The following FRYL variants were observed in gnomAD, a reference collection of about 807,000 sequenced individuals.
FRYL encodes the protein FRY like transcription coactivator.
In FRYL, 150 loss-of-function variants were observed where a neutral mutation model predicts 351.2. The observed-to-expected ratio is 0.43, with a 90% CI of 0.37 to 0.49. The LOEUF (loss-of-function observed/expected upper bound fraction) is 0.49, where lower values mean the gene tolerates loss of function less well. Among genes scored for constraint, FRYL ranks in the 20% least tolerant of loss-of-function variants. The pLI is 0.00. For synonymous variants in FRYL, 1,153 were observed against 1,257.1 expected (o/e 0.92, Z 1.75); for missense variants, 3,036 against 3,619.3 (o/e 0.84, Z 4.13).
At chr4:48,601,334 T>C (rs1488543681) in intron 13 of FRYL, among the ~76,000 whole-genome samples, 7 of 152,222 alleles carry the variant, frequency 4.6e-5, no homozygotes, top group African/African-American at 1.7e-4. Context: ...AGCATTCGCA[T>C]GACATGCAGC....
intron 19 of FRYL, among the ~76,000 whole-genome samples, chr4:48,584,786 C>T (rs190102870): frequency 6.6e-6 from 1 of 152,324 alleles, no homozygotes; most frequent in Admixed American, 6.5e-5. Flanking sequence ...CAGGTCTGCA[C>T]ATTTACAATG....
intron 1 of FRYL, among the ~76,000 whole-genome samples, chr4:48,736,998 G>A (rs979228950): frequency 5.9e-5 from 9 of 151,716 alleles, no homozygotes; most frequent in African/African-American, 2.2e-4. Context: ...TGAAAGAGGT[G>A]GCCGGGCGTG....
intron 22 of FRYL, among the ~76,000 whole-genome samples, chr4:48,580,200 C>T (rs1275292197): frequency 6.6e-6 from 1 of 151,908 alleles, no homozygotes; most frequent in Non-Finnish European, 1.5e-5. Context: ...ATGCATTAAC[C>T]TCTTGACCAT....
At position 48,658,331 on chromosome 4, in the gene FRYL, AT is replaced by A. The variant is rs769258470; in HGVS notation, c.-80-23842del. On this transcript the variant is annotated intron_variant, in intron 3 of 63. Coordinates refer to ENST00000358350, the MANE Select transcript of FRYL (RefSeq NM_015030.2). Reference sequence around the variant, plus strand: ...CATAAGGAAAAAAAAGAAATTGGCAATTTTTTCTATACAAATGTCAAATACC... The same window carrying A: ...CATAAGGAAAAAAAAGAAATTGGCAATTTTTCTATACAAATGTCAAATACC... Among the ~76,000 whole-genome samples, 9 of 152,126 alleles carry A rather than the reference AT, an allele frequency of 5.9e-5. No individual in the cohort carries two copies. The South Asian group carries it at 1.2e-3, about 21-fold the overall frequency.
intron 2 of FRYL, among the ~76,000 whole-genome samples, chr4:48,706,432 A>T (rs1767351409): frequency 1.3e-5 from 2 of 152,186 alleles, no homozygotes; most frequent in Non-Finnish European, 2.9e-5. Context: ...CTTATGAGGT[A>T]CCTAGAGGGG....
At chr4:48,608,918 T>C (rs1288706749) in intron 9 of FRYL, 69 bp downstream of exon 9, 2 of 914,676 alleles carry the variant, frequency 2.2e-6, no homozygotes, top group Non-Finnish European at 3.7e-6. Context: ...TCAGTATCTA[T>C]TGTATTCATT....
chr4:48,561,919 G>A (rs1735607454), intron 32 of FRYL, among the ~76,000 whole-genome samples: 2 of 152,174 alleles, frequency 1.3e-5, no homozygotes, highest in South Asian at 4.1e-4. Flanking sequence ...AGGAGGCTGA[G>A]GGTGGAGGGT....
chr4:48,727,635 G>GA (rs1178877570), intron 1 of FRYL: 1 of 152,086 alleles, frequency 6.6e-6, no homozygotes, highest in African/African-American at 2.4e-5. Context: ...GTGAATATCA[G>GA]AAAAATCCCC....
rs1740907957 is a variant in FRYL at position 48,581,583 on chromosome 4, G to A, written c.2009C>T (p.Ser670Phe). 1 of 1,611,578 alleles carries A rather than the reference G, an allele frequency of 6.2e-7. No homozygotes were observed. Among genetic ancestry groups the A allele is most frequent in the African/African-American group, 1.3e-5 (1 of 74,752 alleles). ...DTQHGVANGA[S>F]HPPPLERSPY... ...GCTCCTTTCCAGAGGAGGGGGATGA[G>A]AAGCTCCATTAGCTACACCATGCTT... Residue 670 changes from serine to phenylalanine, a missense_variant, in exon 21 of 64, where the codon TCT becomes TTT. Coordinates refer to ENST00000358350, the MANE Select transcript of FRYL (RefSeq NM_015030.2).
intron 2 of FRYL, among the ~76,000 whole-genome samples, chr4:48,692,187 G>A (rs74920657): frequency 2.0e-3 from 307 of 152,236 alleles, no homozygotes; most frequent in African/African-American, 7.3e-3. Flanking sequence ...CCTCACTGTT[G>A]CATTATTTCT....
intron 2 of FRYL, among the ~76,000 whole-genome samples, chr4:48,704,936 C>A (rs1353762526): frequency 7.5e-6 from 1 of 133,826 alleles, no homozygotes; most frequent in Non-Finnish European, 1.6e-5. Context: ...GCAACAAGAG[C>A]GAGACTCCGT....
chr4:48,709,256 A>G (rs191683045), intron 2 of FRYL, among the ~76,000 whole-genome samples: 10 of 152,292 alleles, frequency 6.6e-5, no homozygotes, highest in Non-Finnish European at 1.5e-4. Context: ...TCCCAGAATT[A>G]GAATCACTGA....
chr4:48,507,715 T>TAGATGATAGATA (rs35205330), intron 59 of FRYL, among the ~76,000 whole-genome samples: 10 of 148,072 alleles, frequency 6.8e-5, no homozygotes, highest in African/African-American at 2.0e-4. Flanking sequence ...GATAGATAGA[T>TAGATGATAGATA]GATAGATAGA....
chr4:48,694,233 GAT>G (rs1267826552), intron 2 of FRYL, among the ~76,000 whole-genome samples: 1 of 151,792 alleles, frequency 6.6e-6, no homozygotes, highest in Non-Finnish European at 1.5e-5. Context: ...ACACATTAAA[GAT>G]ATGTTTTCTA....
chr4:48,553,664 A>C (rs1252000557), intron 35 of FRYL, among the ~76,000 whole-genome samples: 30 of 149,050 alleles, frequency 2.0e-4, no homozygotes, highest in African/African-American at 6.6e-4. Context: ...AAAAAAAAAA[A>C]AAAAAAAAAC....
chr4:48,516,656 C>T (rs571680436), intron 55 of FRYL, among the ~76,000 whole-genome samples: 1 of 152,274 alleles, frequency 6.6e-6, no homozygotes, highest in Non-Finnish European at 1.5e-5. Flanking sequence ...ATGTAAAACT[C>T]ATCTATAAAA....
intron 4 of FRYL, among the ~76,000 whole-genome samples, chr4:48,632,091 A>AATATATATATATATATATATATAT (rs1560753223): frequency 2.1e-4 from 5 of 23,390 alleles, no homozygotes; most frequent in Non-Finnish European, 3.8e-4. Context: ...AAAAAAAAAA[A>AATATATATATATATATATATATAT]ATATATATAT....
chr4:48,699,583 A>G (rs73148281), intron 2 of FRYL, among the ~76,000 whole-genome samples: 359 of 152,328 alleles, frequency 2.4e-3, no homozygotes, highest in African/African-American at 8.3e-3. Flanking sequence ...GGATGCTAAC[A>G]ATTTAAACAA....
chr4:48,648,795 T>C (rs1009153203), intron 3 of FRYL, among the ~76,000 whole-genome samples: 6 of 152,192 alleles, frequency 3.9e-5, no homozygotes, highest in African/African-American at 9.6e-5. Flanking sequence ...ATTCCATGTA[T>C]ATGAAATGTC....
Sources: gnomAD v4.1 joint callset for allele counts (sites outside exome capture counted in the v4.1 genomes callset) on GRCh38, gnomAD v4.1.1 for gene constraint, MANE v1.5 for transcripts, NCBI Gene and HGNC (gene_info 2026-07-23, HGNC 2026-07-21) for gene names.